Variants in ERMARD observed in about 807,000 individuals in gnomAD.
ERMARD encodes endoplasmic reticulum membrane-associated RNA degradation protein.
In ERMARD, 71 loss-of-function variants were observed where a neutral mutation model predicts 83.9. That is an observed-to-expected ratio of 0.85 (90% CI 0.70 to 1.03). The LOEUF (loss-of-function observed/expected upper bound fraction) is 1.03, where lower values mean the gene tolerates loss of function less well. ERMARD is among the 50% of genes least tolerant of loss of function. The pLI, the probability that ERMARD is intolerant of heterozygous loss-of-function variation, is 0.00. For synonymous variants in ERMARD, 284 were observed against 298.6 expected, an observed-to-expected ratio of 0.95 and a Z score of 0.50; for missense variants, 838 against 810.9, an observed-to-expected ratio of 1.03 and a Z score of -0.41.
At chr6:169,756,004 A>G (rs1055597146) in intron 3 of ERMARD, among the ~76,000 whole-genome samples, 1 of 152,234 alleles carries the variant, frequency 6.6e-6, no homozygotes, top group African/African-American at 2.4e-5. Flanking sequence ...AAATGGCAGG[A>G]TGAGTGCCTT....
At chr6:169,759,169 G>A in intron 6 of ERMARD, 104 bp downstream of exon 6, 1 of 984,588 alleles carries the variant, frequency 1.0e-6, no homozygotes, top group Non-Finnish European at 1.6e-6. Flanking sequence ...AAAGATAAGT[G>A]AGTTTTGAGA....
chr6:169,759,298 T>C (rs545834816), intron 6 of ERMARD, among the ~76,000 whole-genome samples: 1 of 152,322 alleles, frequency 6.6e-6, no homozygotes, highest in Non-Finnish European at 1.5e-5. Flanking sequence ...AAGGATGTTA[T>C]GCCATTCACG....
chr6:169,764,438 ATTT>A, intron 9 of ERMARD, among the ~76,000 whole-genome samples: 1 of 145,076 alleles, frequency 6.9e-6, no homozygotes, highest in Non-Finnish European at 1.5e-5. Flanking sequence ...TCATTTTTAC[ATTT>A]TTTTTTTCCT....
chr6:169,781,588 G>A lies in ERMARD; in HGVS notation c.*75G>A. The A allele has an allele frequency of 7.3e-7, 1 of 1,361,588 alleles. No individual in the cohort carries two copies. The highest frequency in any genetic ancestry group is 9.9e-7 in the Non-Finnish European group (1 of 1,010,368). 84.3% of individuals were successfully genotyped at this position (1,361,588 alleles called of 1,614,324 possible). On this transcript the variant is annotated 3_prime_UTR_variant, in exon 18 of 18. Transcript: ENST00000366773. ...TAAATTAAAAACCCAAAGACAGGGT[G>A]GAGTTGAGGGTCTGCTTGGCCAGGG...
In ERMARD at chr6:169,769,592, A is replaced by G. The variant is rs61738268; in HGVS notation, c.1112A>G (p.His371Arg). ...NHQEGPRIRD[H>R]LSHGEINLHE... ...CAGGAGGGTCCCCGCATAAGAGATC[A>G]TTTAAGCCACGGGGAGATCAACTTA... The change falls in exon 12 of 18, where the codon CAT (histidine) becomes CGT (arginine). Residue 371 changes from histidine (H) to arginine (R), a missense_variant. Coordinates refer to ENST00000366773, the MANE Select transcript of ERMARD (RefSeq NM_018341.3). 14,920 of 1,612,868 alleles carry G rather than the reference A, an allele frequency of 9.3e-3. 102 individuals carry two copies. Among genetic ancestry groups the G allele is most frequent in the Middle Eastern group, 0.018 (107 of 6,062 alleles).
intron 9 of ERMARD, among the ~76,000 whole-genome samples, chr6:169,763,853 G>A (rs1349241787): frequency 7.2e-5 from 11 of 152,382 alleles, no homozygotes; most frequent in African/African-American, 2.4e-4. Flanking sequence ...TTACGGCCCC[G>A]GAGCCGGGCT....
chr6:169,764,076 C>T (rs1014763414), intron 9 of ERMARD, among the ~76,000 whole-genome samples: 3 of 152,226 alleles, frequency 2.0e-5, no homozygotes, highest in Non-Finnish European at 4.4e-5. Flanking sequence ...TTCCCCAACA[C>T]CTCCCGTGTC....
upstream of ERMARD, chr6:169,751,438 G>C: frequency 6.2e-7 from 1 of 1,614,048 alleles, no homozygotes; most frequent in Non-Finnish European, 8.5e-7. Flanking sequence ...TCGACTTCAC[G>C]CCTCGGCCTC....
rs1448747749 is a variant in ERMARD, at chr6:169,760,318, T to C, written c.743-324T>C. ...TGTGTCTTTGTACTCATGATCATTA[T>C]GCCAGAAATACTTGTAGTAATATCA... On this transcript the variant is annotated intron_variant, in intron 7 of 17. Transcript: ENST00000366773. 3.3e-5 allele frequency among the ~76,000 whole-genome samples: 5 copies of C among 152,352 alleles called. 1 individual carries two copies. In the Middle Eastern group the frequency reaches 0.014, roughly 415 times the overall value.
chr6:169,779,410 C>A, intron 17 of ERMARD, 115 bp downstream of exon 17: 1 of 866,942 alleles, frequency 1.2e-6, no homozygotes, highest in Non-Finnish European at 1.9e-6. Flanking sequence ...GGTGGCCCCA[C>A]CGCCATCTCA....
At chr6:169,780,283 C>T (rs1221624469) in intron 17 of ERMARD, among the ~76,000 whole-genome samples, 2 of 152,142 alleles carry the variant, frequency 1.3e-5, no homozygotes, top group East Asian at 3.9e-4. Context: ...CCCTACCCTC[C>T]GTTTGACAGT....
chr6:169,779,230 G>T lies in ERMARD; in HGVS notation c.1788G>T (p.Ala596=), dbSNP rs549048349. 1.9e-6 allele frequency: 3 copies of T among 1,614,182 alleles called. No homozygotes were observed. In the African/African-American group the frequency reaches 4.0e-5, roughly 22 times the overall value. Residue 596 remains alanine, a synonymous_variant, in exon 17 of 18, where the codon GCG becomes GCT. Coordinates refer to ENST00000366773, the MANE Select transcript of ERMARD (RefSeq NM_018341.3). ...TCAGCCTGATACTGTTACTCATTGC[G>T]CTGGAGTTGGTCAACATTCATGCTG... ...PVLSLILLLI[A]LELVNIHAVC...
At chr6:169,767,403 T>C in intron 10 of ERMARD, 1 of 152,660 alleles carries the variant, frequency 6.6e-6, no homozygotes, top group Non-Finnish European at 1.5e-5. Flanking sequence ...TGGGATTGGT[T>C]GGGGTGGTTG....
At chr6:169,766,890 G>A in intron 10 of ERMARD, 1 of 447,360 alleles carries the variant, frequency 2.2e-6, no homozygotes, top group South Asian at 6.0e-5. Context: ...GCTCAAAGTT[G>A]GAAAATACCA....
Position 169,773,118 on chromosome 6 carries a change from C to T in ERMARD, c.1234-201C>T, listed in dbSNP as rs1585406501. ...ATTTGTGATCTATTATTGTTAATGG[C>T]CTCCATTTAAAATCATTTTATTGGC... On this transcript the variant is annotated intron_variant, in intron 12 of 17. Coordinates refer to ENST00000366773, the MANE Select transcript of ERMARD (RefSeq NM_018341.3). 5.8e-6 allele frequency: 3 copies of T among 517,258 alleles called. No individual in the cohort carries two copies. In the Admixed American group the frequency reaches 1.1e-4, roughly 19 times the overall value. 32.0% of individuals were successfully genotyped at this position (517,258 alleles called of 1,614,324 possible).
intron 5 of ERMARD, among the ~76,000 whole-genome samples, chr6:169,758,463 G>C (rs1054838110): frequency 6.6e-6 from 1 of 152,220 alleles, no homozygotes; most frequent in Non-Finnish European, 1.5e-5. Context: ...CTAGGAAGTG[G>C]AGGCTCAAGC....
At chr6:169,779,120 C>T in intron 16 of ERMARD, 62 bp from the exon 17 acceptor site, 1 of 1,381,410 alleles carries the variant, frequency 7.2e-7, no homozygotes, top group Non-Finnish European at 1.0e-6. Context: ...CATCTTTTTC[C>T]TGATGAAGGT....
At chr6:169,778,928 G>A (rs1176617886) in intron 16 of ERMARD, among the ~76,000 whole-genome samples, 2 of 152,230 alleles carry the variant, frequency 1.3e-5, no homozygotes, top group African/African-American at 4.8e-5. Context: ...GATGTAGACC[G>A]GGCGCCTCAG....
chr6:169,771,459 C>G (rs960323436), intron 12 of ERMARD: 2 of 152,176 alleles, frequency 1.3e-5, no homozygotes, highest in African/African-American at 2.4e-5. Context: ...GGTACAGAAT[C>G]TAGCTTTACT....
Sources: gnomAD v4.1 joint callset for allele counts (sites outside exome capture counted in the v4.1 genomes callset) on GRCh38, gnomAD v4.1.1 for gene constraint, MANE v1.5 for transcripts, NCBI Gene and HGNC (gene_info 2026-07-23, HGNC 2026-07-21) for gene names.